RAD51B: variants seen among roughly 807,000 people sequenced by gnomAD.
The protein encoded by RAD51B is RAD51 paralog B.
Under a neutral mutation model 42.2 loss-of-function variants are expected in RAD51B, and 38 were observed. The observed-to-expected ratio is 0.90, with a 90% CI of 0.70 to 1.18. The LOEUF (loss-of-function observed/expected upper bound fraction) is 1.18, where lower values mean the gene tolerates loss of function less well. Among genes scored for constraint, RAD51B ranks in the 50% most tolerant of loss-of-function variants. The pLI, the probability that RAD51B is intolerant of heterozygous loss-of-function variation, is 0.00. For synonymous variants in RAD51B, 154 were observed against 145.2 expected, an observed-to-expected ratio of 1.06 and a Z score of -0.43; for missense variants, 373 against 400.7, an observed-to-expected ratio of 0.93 and a Z score of 0.59.
rs188951946 is a variant in RAD51B at position 68,098,332 on chromosome 14, A to T, written c.757-193552A>T. 1.1e-4 allele frequency among the ~76,000 whole-genome samples: 17 copies of T among 152,392 alleles called. No homozygotes were observed. The South Asian group carries it at 1.2e-3, about 11-fold the overall frequency. On this transcript the variant is annotated intron_variant, in intron 7 of 10. Transcript: ENST00000471583. ...TTTTGTTTAAGAGATTGGCAATACT[A>T]TAGTGAACAAAATAGTACCTGCCCA... is the stretch of plus-strand genomic sequence containing the variant.
chr14:68,604,111 A>G (rs1891337616), intron 10 of RAD51B, among the ~76,000 whole-genome samples: 1 of 152,228 alleles, frequency 6.6e-6, no homozygotes, highest in South Asian at 2.1e-4. Context: ...AAAGAGCCTG[A>G]GAAGCGCAGA....
At chr14:68,281,526 G>A (rs1459209408) in intron 7 of RAD51B, among the ~76,000 whole-genome samples, 1 of 152,160 alleles carries the variant, frequency 6.6e-6, no homozygotes, top group Non-Finnish European at 1.5e-5. Flanking sequence ...TGAGCTGGAA[G>A]CCCAGGGGAT....
At chr14:68,536,494 T>C (rs902721503) in intron 10 of RAD51B, among the ~76,000 whole-genome samples, 1 of 152,238 alleles carries the variant, frequency 6.6e-6, no homozygotes, top group African/African-American at 2.4e-5. Flanking sequence ...AAGGATACCT[T>C]TCAGTACCAG....
At chr14:67,920,981 A>G (rs1035160700) in intron 7 of RAD51B, among the ~76,000 whole-genome samples, 1 of 152,228 alleles carries the variant, frequency 6.6e-6, no homozygotes, top group Non-Finnish European at 1.5e-5. Context: ...GTTGTAGCAT[A>G]GAGTAATGGG....
chr14:67,926,474 A>C (rs1029101436), intron 7 of RAD51B, among the ~76,000 whole-genome samples: 1 of 152,000 alleles, frequency 6.6e-6, no homozygotes, highest in African/African-American at 2.4e-5. Context: ...TGTCACTGTC[A>C]ACATTTTTGT....
In RAD51B at chr14:68,458,757, A is replaced by C. The variant is rs560003420; in HGVS notation, c.958-9415A>C. ...AGATCAGCTTACTTTATGTCCCCTA[A>C]TTTCTGTAGAAAAACTTGGGAAGTA... On this transcript the variant is annotated intron_variant, in intron 9 of 10. Transcript: ENST00000471583. 1.1e-4 allele frequency among the ~76,000 whole-genome samples: 16 copies of C among 151,872 alleles called. 1 individual carries two copies. Among genetic ancestry groups the C allele is most frequent in the African/African-American group, 3.6e-4 (15 of 41,464 alleles).
chr14:68,508,233 C>G (rs1030001193), intron 10 of RAD51B, among the ~76,000 whole-genome samples: 3 of 152,086 alleles, frequency 2.0e-5, no homozygotes, highest in African/African-American at 7.2e-5. Flanking sequence ...GAGTCCTCTG[C>G]CACCCTCTGG....
intron 4 of RAD51B, among the ~76,000 whole-genome samples, chr14:67,850,198 C>G (rs2331403): frequency 0.38 from 57,674 of 151,936 alleles, 11,556 homozygotes; most frequent in Middle Eastern, 0.49. Context: ...GTCCCACCGT[C>G]GTCTTGAACT....
intron 8 of RAD51B, among the ~76,000 whole-genome samples, chr14:68,408,047 T>C (rs1384456128): frequency 6.6e-6 from 1 of 152,038 alleles, no homozygotes; most frequent in Admixed American, 6.6e-5. Context: ...AGAGGGTGGC[T>C]TTAGTAGGGA....
At chr14:67,879,213 C>G (rs1338818312) in intron 5 of RAD51B, among the ~76,000 whole-genome samples, 3 of 152,208 alleles carry the variant, frequency 2.0e-5, no homozygotes, top group Non-Finnish European at 4.4e-5. Context: ...GGAATTTCAT[C>G]TTTTTAAAGG....
chr14:68,336,007 C>T (rs1400497495), intron 8 of RAD51B, among the ~76,000 whole-genome samples: 1 of 152,218 alleles, frequency 6.6e-6, no homozygotes, highest in East Asian at 1.9e-4. Context: ...CTGCCACTTC[C>T]AGCTGTTTTA....
At chr14:68,526,635 G>A (rs1295828748) in intron 10 of RAD51B, among the ~76,000 whole-genome samples, 1 of 152,200 alleles carries the variant, frequency 6.6e-6, no homozygotes, top group African/African-American at 2.4e-5. Flanking sequence ...AGTATAGTGG[G>A]GAGAGGGCAT....
At chr14:68,303,329 G>A (rs1458553030) in intron 8 of RAD51B, among the ~76,000 whole-genome samples, 1 of 152,036 alleles carries the variant, frequency 6.6e-6, no homozygotes, top group East Asian at 1.9e-4. Context: ...GCTAGGGGAG[G>A]TATAGCATTA....
intron 7 of RAD51B, among the ~76,000 whole-genome samples, chr14:68,024,983 G>C (rs545060644): frequency 6.6e-6 from 1 of 152,026 alleles, no homozygotes; most frequent in Non-Finnish European, 1.5e-5. Flanking sequence ...ATTGGCTGTG[G>C]GTTTGTCATA....
chr14:68,431,195 T>A (rs1566879931), intron 9 of RAD51B, among the ~76,000 whole-genome samples: 1 of 152,218 alleles, frequency 6.6e-6, no homozygotes, highest in African/African-American at 2.4e-5. Context: ...TCATCAGGGA[T>A]ATTGGTCTAA....
Position 68,428,271 on chromosome 14 carries a change from A to G in RAD51B, c.957+16744A>G, listed in dbSNP as rs933038821. On this transcript the variant is annotated intron_variant, in intron 9 of 10. Coordinates refer to ENST00000471583, the MANE Select transcript of RAD51B (RefSeq NM_133510.4). ...AAATCTTCTAGAGACTGTAATTGTA[A>G]TAATAATCCTTTGTGTGTCCTCTAG... Among the ~76,000 whole-genome samples, 9 of 152,354 alleles carry G rather than the reference A, an allele frequency of 5.9e-5. No individual in the cohort carries two copies. In the East Asian group the frequency reaches 1.7e-3, roughly 29 times the overall value.
chr14:68,139,111 A>G (rs967410035), intron 7 of RAD51B, among the ~76,000 whole-genome samples: 1 of 152,180 alleles, frequency 6.6e-6, no homozygotes, highest in Non-Finnish European at 1.5e-5. Flanking sequence ...ATTTCCTAAC[A>G]TATATACCAG....
At chr14:67,903,264 A>G (rs2043672544) in intron 7 of RAD51B, among the ~76,000 whole-genome samples, 1 of 152,150 alleles carries the variant, frequency 6.6e-6, no homozygotes, top group African/African-American at 2.4e-5. Context: ...CTGAGAAGTT[A>G]TTCTGAAAAA....
intron 7 of RAD51B, among the ~76,000 whole-genome samples, chr14:68,236,086 T>C (rs1420853213): frequency 5.3e-5 from 8 of 152,054 alleles, no homozygotes; most frequent in Non-Finnish European, 1.0e-4. Flanking sequence ...AGGGTGATGA[T>C]AGAAAAACTT....
Sources: gnomAD v4.1 joint callset for allele counts (sites outside exome capture counted in the v4.1 genomes callset) on GRCh38, gnomAD v4.1.1 for gene constraint, MANE v1.5 for transcripts, NCBI Gene and HGNC (gene_info 2026-07-23, HGNC 2026-07-21) for gene names.